The following TXNRD1 variants were observed in gnomAD, a reference collection of about 807,000 sequenced individuals.
The protein encoded by TXNRD1 is thioredoxin reductase 1, cytoplasmic.
A neutral mutation model predicts 80.3 loss-of-function variants in TXNRD1; 57 were observed. That is an observed-to-expected ratio of 0.71 (90% CI 0.57 to 0.89). TXNRD1 has a LOEUF of 0.89. Ranked by LOEUF, TXNRD1 falls within the 40% of genes least tolerant of loss-of-function variation. The pLI, the probability that TXNRD1 is intolerant of heterozygous loss-of-function variation, is 0.00. For missense variants in TXNRD1, 730 were observed against 803.0 expected, an observed-to-expected ratio of 0.91 and a Z score of 1.10; for synonymous variants, 291 against 285.2, an observed-to-expected ratio of 1.02 and a Z score of -0.20.
At chr12:104,272,165 G>C (rs1055517297) in intron 3 of TXNRD1, among the ~76,000 whole-genome samples, 1 of 152,096 alleles carries the variant, frequency 6.6e-6, no homozygotes, top group African/African-American at 2.4e-5. Flanking sequence ...TCTATAGAAG[G>C]GTGCGCCCTT....
At chr12:104,234,137 AATTT>A (rs2032684232) in intron 1 of TXNRD1, among the ~76,000 whole-genome samples, 1 of 152,230 alleles carries the variant, frequency 6.6e-6, no homozygotes, top group Admixed American at 6.5e-5. Context: ...AAAGCAAGAC[AATTT>A]GTTTGCAAAT....
chr12:104,246,164 A>C (rs1407706375), intron 1 of TXNRD1, among the ~76,000 whole-genome samples: 2 of 143,408 alleles, frequency 1.4e-5, no homozygotes, highest in Non-Finnish European at 3.0e-5. Context: ...ACAGTGGCTC[A>C]CACCTGTAAT....
chr12:104,300,991 C>T (rs1335583256), intron 4 of TXNRD1, among the ~76,000 whole-genome samples: 1 of 152,148 alleles, frequency 6.6e-6, no homozygotes, highest in Admixed American at 6.6e-5. Flanking sequence ...GTCTGCCTTT[C>T]TTAGGATGAT....
intron 3 of TXNRD1, among the ~76,000 whole-genome samples, chr12:104,274,596 G>A (rs2033718543): frequency 6.6e-6 from 1 of 151,836 alleles, no homozygotes; most frequent in South Asian, 2.1e-4. Flanking sequence ...CTACTCGGTA[G>A]GCTGAGGCAG....
intron 3 of TXNRD1, among the ~76,000 whole-genome samples, chr12:104,279,536 T>C (rs2033831544): frequency 6.6e-6 from 1 of 152,098 alleles, no homozygotes; most frequent in Admixed American, 6.6e-5. Flanking sequence ...AAGGGCCTTG[T>C]AGAAAGAAGA....
chr12:104,237,450 T>A (rs529177498), intron 1 of TXNRD1, among the ~76,000 whole-genome samples: 1 of 152,266 alleles, frequency 6.6e-6, no homozygotes, highest in South Asian at 2.1e-4. Context: ...CATAGTATCT[T>A]CCTCCTTTTG....
chr12:104,224,670 C>T (rs927580071), intron 1 of TXNRD1: 16 of 339,860 alleles, frequency 4.7e-5, no homozygotes, highest in Non-Finnish European at 8.2e-5. Context: ...AGGCATGAGC[C>T]ACCGCACCTA....
chr12:104,242,561 C>T (rs1342175465), intron 1 of TXNRD1, among the ~76,000 whole-genome samples: 1 of 151,628 alleles, frequency 6.6e-6, no homozygotes, highest in Non-Finnish European at 1.5e-5. Flanking sequence ...AAAAAAAAAG[C>T]TCTGTAGTAT....
At chr12:104,239,657 T>G (rs1283866302) in intron 1 of TXNRD1, among the ~76,000 whole-genome samples, 1 of 138,202 alleles carries the variant, frequency 7.2e-6, no homozygotes, top group Non-Finnish European at 1.5e-5. Flanking sequence ...AAATTTTGTA[T>G]TTTTAGTAGA....
intron 15 of TXNRD1, among the ~76,000 whole-genome samples, chr12:104,337,290 A>T (rs529022141): frequency 2.6e-5 from 4 of 152,084 alleles, no homozygotes; most frequent in African/African-American, 9.6e-5. Context: ...TCCTTTTGTC[A>T]ACAGAACAAC....
At chr12:104,280,077 A>AAAAAAT (rs2033846339) in intron 3 of TXNRD1, among the ~76,000 whole-genome samples, 1 of 151,062 alleles carries the variant, frequency 6.6e-6, no homozygotes, top group African/African-American at 2.4e-5. Flanking sequence ...AAAAAAAAAA[A>AAAAAAT]AAAAAATTCC....
intron 1 of TXNRD1, among the ~76,000 whole-genome samples, chr12:104,233,075 G>C (rs1013245391): frequency 6.6e-6 from 1 of 152,224 alleles, no homozygotes; most frequent in Non-Finnish European, 1.5e-5. Flanking sequence ...AGAGATGTAT[G>C]CTGTAAGCTG....
At chr12:104,307,168 T>C (rs918361501) in intron 4 of TXNRD1, among the ~76,000 whole-genome samples, 3 of 152,204 alleles carry the variant, frequency 2.0e-5, no homozygotes, top group African/African-American at 7.2e-5. Context: ...AACTGACTGC[T>C]TACCTTGAAG....
chr12:104,312,202 A>G (rs2035163403), intron 5 of TXNRD1, among the ~76,000 whole-genome samples: 1 of 152,174 alleles, frequency 6.6e-6, no homozygotes, highest in African/African-American at 2.4e-5. Context: ...CATTTATTAA[A>G]AATGATTTGC....
At chr12:104,225,186 A>G (rs1351534270) in intron 1 of TXNRD1, among the ~76,000 whole-genome samples, 3 of 152,166 alleles carry the variant, frequency 2.0e-5, no homozygotes, top group African/African-American at 7.2e-5. Context: ...AATAAAAAGG[A>G]GTAACATTTA....
At chr12:104,328,741 A>G (rs958716614) in intron 13 of TXNRD1, among the ~76,000 whole-genome samples, 11 of 146,006 alleles carry the variant, frequency 7.5e-5, no homozygotes, top group South Asian at 4.6e-4. Context: ...CCTGGGTGAC[A>G]GAGTGAGACT....
rs768590188 is a variant in TXNRD1, at chr12:104,325,376, G to C, written c.1255G>C (p.Val419Leu). The change falls in exon 11 of 17, where the codon GTA becomes CTA. Residue 419 changes from valine to leucine, a missense_variant. Coordinates refer to ENST00000525566, the MANE Select transcript of TXNRD1 (RefSeq NM_001093771.3). ...AGCAGGGACACCAGGCCGACTCAGA[G>C]TAGTAGCTCAGTCCACCAATAGTGA... ...IEAGTPGRLR[V>L]VAQSTNSEEI... 41 of 1,613,534 alleles carry C rather than the reference G, an allele frequency of 2.5e-5. No individual in the cohort carries two copies. The highest frequency in any genetic ancestry group is 3.5e-5 in the Non-Finnish European group (41 of 1,179,708).
chr12:104,260,627 T>A (rs570494202), intron 3 of TXNRD1, among the ~76,000 whole-genome samples: 10 of 152,330 alleles, frequency 6.6e-5, no homozygotes, highest in African/African-American at 2.4e-4. Flanking sequence ...ACGGTGACCC[T>A]TCTATTCCTT....
At chr12:104,316,271 G>GT (rs2035321939) in intron 7 of TXNRD1, among the ~76,000 whole-genome samples, 1 of 150,704 alleles carries the variant, frequency 6.6e-6, no homozygotes, top group Non-Finnish European at 1.5e-5. Context: ...GCTGATGTTT[G>GT]TGGGGGGTGG....
Sources: gnomAD v4.1 joint callset for allele counts (sites outside exome capture counted in the v4.1 genomes callset) on GRCh38, gnomAD v4.1.1 for gene constraint, MANE v1.5 for transcripts, NCBI Gene and HGNC (gene_info 2026-07-23, HGNC 2026-07-21) for gene names.